NXN: variants seen among roughly 807,000 people sequenced by gnomAD.
NXN encodes the protein nucleoredoxin.
In NXN, 16 loss-of-function variants were observed where a neutral mutation model predicts 48.6. The ratio of observed to expected loss-of-function variants is 0.33; its 90% CI spans 0.22 to 0.50. The LOEUF (loss-of-function observed/expected upper bound fraction) is 0.50. NXN is among the 20% of genes least tolerant of loss of function. NXN has a pLI of 0.98. For missense variants in NXN, 492 were observed against 605.5 expected (o/e 0.81, Z 1.97); for synonymous variants, 281 against 269.6 (o/e 1.04, Z -0.41).
intron 5 of NXN, among the ~76,000 whole-genome samples, chr17:810,359 G>A (rs951406868): frequency 3.9e-5 from 6 of 152,294 alleles, no homozygotes; most frequent in African/African-American, 1.2e-4. Flanking sequence ...TTAAGAGTCC[G>A]TGTGAGTTGC....
At chr17:807,004 A>G (rs1911586540) in intron 5 of NXN, among the ~76,000 whole-genome samples, 1 of 152,166 alleles carries the variant, frequency 6.6e-6, no homozygotes, top group Non-Finnish European at 1.5e-5. Flanking sequence ...GGGTGTGCTC[A>G]GCGTGGACAG....
intron 1 of NXN, among the ~76,000 whole-genome samples, chr17:834,937 C>A (rs930212428): frequency 6.6e-6 from 1 of 151,724 alleles, no homozygotes; most frequent in Non-Finnish European, 1.5e-5. Flanking sequence ...CACGCCTGGC[C>A]CCAGGGTGCA....
chr17:960,054 T>C (rs1166794491), intron 1 of NXN, among the ~76,000 whole-genome samples: 1 of 149,812 alleles, frequency 6.7e-6, no homozygotes, highest in African/African-American at 2.5e-5. Flanking sequence ...ATTGCACCAC[T>C]GCACTCCAGC....
intron 1 of NXN, among the ~76,000 whole-genome samples, chr17:846,027 A>G (rs145408431): frequency 0.03 from 4,636 of 152,150 alleles, 88 homozygotes; most frequent in East Asian, 0.057. Flanking sequence ...GGTTGCAGTG[A>G]GCCGAGATCA....
chr17:837,032 G>T (rs1913865891), intron 1 of NXN, among the ~76,000 whole-genome samples: 1 of 151,784 alleles, frequency 6.6e-6, no homozygotes, highest in Admixed American at 6.6e-5. Context: ...AGGCTGGAGA[G>T]CAGTGACACA....
intron 5 of NXN, among the ~76,000 whole-genome samples, chr17:812,021 G>GCT (rs1567811948): frequency 1.3e-5 from 2 of 148,414 alleles, no homozygotes; most frequent in Admixed American, 6.8e-5. Flanking sequence ...TCCGTCTCCC[G>GCT]GGTTCACGCC....
chr17:814,588 T>A (rs1270312084), intron 5 of NXN, among the ~76,000 whole-genome samples: 1 of 152,220 alleles, frequency 6.6e-6, no homozygotes. Context: ...GTCGTGTTCG[T>A]GAAGACGTCA....
chr17:889,227 T>C (rs1046923719), intron 1 of NXN, among the ~76,000 whole-genome samples: 3 of 151,872 alleles, frequency 2.0e-5, no homozygotes, highest in African/African-American at 7.3e-5. Flanking sequence ...ACACTTGCCT[T>C]CTCAGGAGGA....
At chr17:884,308 G>A (rs1286608666) in intron 1 of NXN, among the ~76,000 whole-genome samples, 1 of 152,122 alleles carries the variant, frequency 6.6e-6, no homozygotes, top group African/African-American at 2.4e-5. Flanking sequence ...GGGGGGCTGA[G>A]GTGGGAGGAT....
intron 1 of NXN, among the ~76,000 whole-genome samples, chr17:952,816 G>T (rs865957765): frequency 0.01 from 817 of 80,878 alleles, no homozygotes; most frequent in African/African-American, 0.031. Context: ...GTCACACTGT[G>T]GGGGGGCTGG....
chr17:971,664 C>A (rs376648713), intron 1 of NXN, among the ~76,000 whole-genome samples: 51 of 151,704 alleles, frequency 3.4e-4, no homozygotes, highest in African/African-American at 9.9e-4. Flanking sequence ...CAGCCGAGAT[C>A]GCGCCACTGC....
intron 1 of NXN, among the ~76,000 whole-genome samples, chr17:931,344 T>C (rs1360806029): frequency 6.7e-6 from 1 of 148,358 alleles, no homozygotes; most frequent in Non-Finnish European, 1.5e-5. Flanking sequence ...TCTCAGCTAC[T>C]GGAGAGGCTG....
At chr17:946,306 T>C (rs2069043620) in intron 1 of NXN, among the ~76,000 whole-genome samples, 1 of 152,068 alleles carries the variant, frequency 6.6e-6, no homozygotes, top group South Asian at 2.1e-4. Context: ...GTAGCTGGGA[T>C]TACAGGCATC....
intron 1 of NXN, among the ~76,000 whole-genome samples, chr17:901,716 T>C (rs1204290629): frequency 6.6e-6 from 1 of 152,188 alleles, no homozygotes; most frequent in Non-Finnish European, 1.5e-5. Context: ...TTCTGTTTTT[T>C]GGAGATGGGA....
intron 6 of NXN, among the ~76,000 whole-genome samples, chr17:804,386 G>A (rs987315579): frequency 6.7e-6 from 1 of 149,386 alleles, no homozygotes; most frequent in Non-Finnish European, 1.5e-5. Flanking sequence ...CGGTTCAAGC[G>A]ATTCTCGTGC....
rs774465960 is a variant in NXN, at chr17:803,821, G to A, written c.1001-15C>T. On this transcript the variant is annotated splice_polypyrimidine_tract_variant and intron_variant, in intron 6 of 7. Coordinates refer to ENST00000336868, the MANE Select transcript of NXN (RefSeq NM_022463.5). ...ATCCTCAGAATCTGTGATTGGGTCG[G>A]GGGTAGAAAAAGACGGGGAGAAAAA... is the stretch of plus-strand genomic sequence containing the variant. 2 of 1,613,726 alleles carry A rather than the reference G, an allele frequency of 1.2e-6. No individual in the cohort carries two copies. Among genetic ancestry groups the A allele is most frequent in the African/African-American group, 1.3e-5 (1 of 74,944 alleles).
chr17:903,274 T>C (rs955620428), intron 1 of NXN, among the ~76,000 whole-genome samples: 1 of 151,206 alleles, frequency 6.6e-6, no homozygotes, highest in African/African-American at 2.4e-5. Flanking sequence ...GGTGCCATCT[T>C]GGCTCACTGC....
intron 1 of NXN, among the ~76,000 whole-genome samples, chr17:940,734 T>C (rs62067227): frequency 3.0e-4 from 44 of 148,266 alleles, no homozygotes; most frequent in Admixed American, 7.4e-4. Context: ...GGATTTACAG[T>C]GAACAAGATT....
intron 1 of NXN, among the ~76,000 whole-genome samples, chr17:938,399 C>A (rs965633302): frequency 6.6e-6 from 1 of 152,174 alleles, no homozygotes; most frequent in Non-Finnish European, 1.5e-5. Context: ...GTCCCCAGCC[C>A]GGCCGGGCGC....
Sources: allele counts gnomAD v4.1 joint callset (sites outside exome capture counted in the v4.1 genomes callset), GRCh38; gene constraint gnomAD v4.1.1; transcripts MANE v1.5; gene names NCBI Gene and HGNC (gene_info 2026-07-23, HGNC 2026-07-21).